CFAP299: variants seen among roughly 807,000 people sequenced by gnomAD.
The protein encoded by CFAP299 is cilia- and flagella-associated protein 299.
In CFAP299, 21 loss-of-function variants were observed where a neutral mutation model predicts 27.0. That is an observed-to-expected ratio of 0.78 (90% CI 0.55 to 1.12). The LOEUF is 1.12. Ranked by LOEUF, CFAP299 falls within the 50% of genes most tolerant of loss-of-function variation. The pLI is 0.00. For missense variants in CFAP299, 310 were observed against 276.6 expected, an observed-to-expected ratio of 1.12 and a Z score of -0.86; for synonymous variants, 104 against 98.1, an observed-to-expected ratio of 1.06 and a Z score of -0.36.
intron 3 of CFAP299, among the ~76,000 whole-genome samples, chr4:80,667,983 C>CG (rs1560687337): frequency 1.3e-5 from 2 of 151,916 alleles, no homozygotes; most frequent in South Asian, 4.1e-4. Flanking sequence ...TGTCAGCATT[C>CG]GTTGTTCCTG....
chr4:80,625,355 A>T (rs991683632), intron 3 of CFAP299, among the ~76,000 whole-genome samples: 12 of 152,052 alleles, frequency 7.9e-5, no homozygotes, highest in African/African-American at 2.9e-4. Flanking sequence ...GGTCATATGG[A>T]AACCACAAAG....
chr4:80,735,139 A>G (rs1341779311), intron 3 of CFAP299, among the ~76,000 whole-genome samples: 1 of 152,014 alleles, frequency 6.6e-6, no homozygotes, highest in African/African-American at 2.4e-5. Context: ...CCAGTGTTTT[A>G]TAATTTTCAT....
chr4:80,571,900 C>A (rs1276872556), intron 2 of CFAP299, among the ~76,000 whole-genome samples: 1 of 152,192 alleles, frequency 6.6e-6, no homozygotes, highest in African/African-American at 2.4e-5. Context: ...GTTTACACCA[C>A]TCAGTGTATG....
chr4:80,413,731 T>A (rs890577018), intron 2 of CFAP299, among the ~76,000 whole-genome samples: 1 of 149,214 alleles, frequency 6.7e-6, no homozygotes, highest in African/African-American at 2.4e-5. Flanking sequence ...TCTTCATTTG[T>A]CTGTATGTTT....
At chr4:80,868,669 T>G (rs888114073) in intron 3 of CFAP299, among the ~76,000 whole-genome samples, 3 of 152,152 alleles carry the variant, frequency 2.0e-5, no homozygotes, top group Non-Finnish European at 4.4e-5. Flanking sequence ...ACTTAGTTTT[T>G]GGACTCTGAA....
intron 2 of CFAP299, among the ~76,000 whole-genome samples, chr4:80,529,554 T>A (rs1044325061): frequency 1.2e-4 from 19 of 152,186 alleles, no homozygotes; most frequent in African/African-American, 4.6e-4. Flanking sequence ...TGTGGTTTAA[T>A]CAATGCTGAA....
chr4:80,347,414 G>A (rs1240344880), intron 1 of CFAP299, among the ~76,000 whole-genome samples: 3 of 151,798 alleles, frequency 2.0e-5, no homozygotes, highest in Non-Finnish European at 4.4e-5. Flanking sequence ...TTCTTAAGCT[G>A]ATATGCAACT....
At chr4:80,637,774 A>G (rs1577961921) in intron 3 of CFAP299, among the ~76,000 whole-genome samples, 1 of 152,198 alleles carries the variant, frequency 6.6e-6, no homozygotes, top group Admixed American at 6.5e-5. Context: ...TAACAAAAGC[A>G]TATAACCTCT....
At chr4:80,457,112 A>G (rs1174233490) in intron 2 of CFAP299, among the ~76,000 whole-genome samples, 1 of 152,178 alleles carries the variant, frequency 6.6e-6, no homozygotes, top group African/African-American at 2.4e-5. Flanking sequence ...GCATTATGCC[A>G]AAATGTAGCC....
At chr4:80,545,171 T>C (rs1040004285) in intron 2 of CFAP299, among the ~76,000 whole-genome samples, 1 of 152,048 alleles carries the variant, frequency 6.6e-6, no homozygotes, top group Non-Finnish European at 1.5e-5. Context: ...AGATGCAACA[T>C]AAAAGAATCT....
chr4:80,912,906 C>T (rs375586041), intron 4 of CFAP299, among the ~76,000 whole-genome samples: 17 of 152,110 alleles, frequency 1.1e-4, no homozygotes, highest in African/African-American at 2.7e-4. Flanking sequence ...AACAGGAGTG[C>T]GGAATAGAGG....
chr4:80,496,535 T>C (rs2110145611), intron 2 of CFAP299, among the ~76,000 whole-genome samples: 1 of 152,346 alleles, frequency 6.6e-6, no homozygotes, highest in South Asian at 2.1e-4. Context: ...TCATAACCAT[T>C]TAAGCAGTCT....
At chr4:80,429,171 C>T (rs962022699) in intron 2 of CFAP299, among the ~76,000 whole-genome samples, 1 of 152,188 alleles carries the variant, frequency 6.6e-6, no homozygotes, top group Non-Finnish European at 1.5e-5. Flanking sequence ...TATAAAATCA[C>T]TCATCAGCTG....
chr4:80,637,970 A>T (rs1739534724), intron 3 of CFAP299, among the ~76,000 whole-genome samples: 2 of 152,224 alleles, frequency 1.3e-5, no homozygotes, highest in African/African-American at 4.8e-5. Flanking sequence ...TTCTAGCAAT[A>T]AAGAAAATAT....
intron 3 of CFAP299, among the ~76,000 whole-genome samples, chr4:80,650,512 A>G (rs925744197): frequency 2.0e-5 from 3 of 152,094 alleles, no homozygotes; most frequent in Non-Finnish European, 4.4e-5. Flanking sequence ...GTCAGATTTT[A>G]TTTGACCATA....
At chr4:80,815,304 T>C (rs1240245359) in intron 3 of CFAP299, among the ~76,000 whole-genome samples, 2 of 151,632 alleles carry the variant, frequency 1.3e-5, no homozygotes, top group African/African-American at 4.9e-5. Context: ...CTGAGATATG[T>C]ATATATATAT....
chr4:80,800,199 A>ATATAATATATAATATATAT (rs1454493744), intron 3 of CFAP299, among the ~76,000 whole-genome samples: 2 of 73,260 alleles, frequency 2.7e-5, no homozygotes, highest in Non-Finnish European at 4.6e-5. Flanking sequence ...ATACTATATA[A>ATATAATATATAATATATAT]TATAATATAT....
chr4:80,388,175 G>A (rs189266907), intron 2 of CFAP299: 57 of 685,066 alleles, frequency 8.3e-5, no homozygotes, highest in Admixed American at 5.5e-4. Flanking sequence ...CAGTGGTGGA[G>A]GAGGGGGTGA....
intron 1 of CFAP299, among the ~76,000 whole-genome samples, chr4:80,358,611 T>C (rs1257771608): frequency 6.6e-6 from 1 of 152,170 alleles, no homozygotes. Context: ...TCTTTGTTGG[T>C]TTAGAGTCTG....
Sources: gnomAD v4.1 joint callset for allele counts (sites outside exome capture counted in the v4.1 genomes callset) on GRCh38, gnomAD v4.1.1 for gene constraint, MANE v1.5 for transcripts, NCBI Gene and HGNC (gene_info 2026-07-23, HGNC 2026-07-21) for gene names.